The following PALD1 variants were observed in gnomAD, a reference collection of about 807,000 sequenced individuals.
The protein encoded by PALD1 is paladin.
In PALD1, 57 loss-of-function variants were observed where a neutral mutation model predicts 96.0. The ratio of observed to expected loss-of-function variants is 0.59; its 90% CI spans 0.48 to 0.74. The LOEUF (loss-of-function observed/expected upper bound fraction) is 0.74. PALD1 is among the 30% of genes least tolerant of loss of function. The pLI, the probability that PALD1 is intolerant of heterozygous loss-of-function variation, is 0.00. For synonymous variants in PALD1, 464 were observed against 473.6 expected (o/e 0.98, Z 0.26); for missense variants, 1,063 against 1,143.7 (o/e 0.93, Z 1.02).
chr10:70,560,752 C>T (rs1482288368), intron 18 of PALD1, among the ~76,000 whole-genome samples: 8 of 152,006 alleles, frequency 5.3e-5, no homozygotes, highest in African/African-American at 1.5e-4. Flanking sequence ...TTGAGATGCC[C>T]GAAGTACCCA....
At chr10:70,521,822 A>G (rs1846742164) in intron 1 of PALD1, among the ~76,000 whole-genome samples, 1 of 151,900 alleles carries the variant, frequency 6.6e-6, no homozygotes, top group Non-Finnish European at 1.5e-5. Context: ...GCATGAAGCA[A>G]GCGCAGCTGG....
rs1292810093 is a variant in PALD1 at position 70,515,908 on chromosome 10, T to A, written c.-29-10015T>A. 4.6e-5 allele frequency among the ~76,000 whole-genome samples: 7 copies of A among 152,308 alleles called. No individual in the cohort carries two copies. In the East Asian group the frequency reaches 1.4e-3, roughly 29 times the overall value. ...TCAGGATGTGAAGAGTTGCCACTCC[T>A]GCAAGCCCTCGCTTTTCTTTTTGTT... On this transcript the variant is annotated intron_variant, in intron 1 of 19. Transcript: ENST00000263563.
At chr10:70,542,274 TATGTGGTA>T (rs1847266762) in intron 17 of PALD1, among the ~76,000 whole-genome samples, 1 of 152,222 alleles carries the variant, frequency 6.6e-6, no homozygotes, top group African/African-American at 2.4e-5. Context: ...TCCTTTTCTT[TATGTGGTA>T]AAATATGCAT....
In PALD1 at chr10:70,539,877, G is replaced by A. The variant is rs1847206763; in HGVS notation, c.1908+115G>A. 2.2e-6 allele frequency: 2 copies of A among 897,442 alleles called. No homozygotes were observed. Among genetic ancestry groups the A allele is most frequent in the Admixed American group, 2.7e-5 (1 of 36,496 alleles). The allele number at this position is 897,442 out of a possible 1,614,324, so 55.6% of individuals were successfully genotyped here. A position where few individuals can be genotyped will look rare whatever the true frequency, so the allele number is the denominator to read the frequency against. On this transcript the variant is annotated intron_variant, in intron 15 of 19. Coordinates refer to ENST00000263563, the MANE Select transcript of PALD1 (RefSeq NM_014431.3). This position sits in a 1 kb window ranked among gnomAD's most constrained non-coding sequence, Gnocchi z 4.5. ...ACCCCAGCTTCTCTACGGGGCCCGG[G>A]AATGGTCTCACGAGGTTTTCCGATT...
At chr10:70,561,868 C>T (rs544025097) in intron 18 of PALD1, among the ~76,000 whole-genome samples, 3 of 152,358 alleles carry the variant, frequency 2.0e-5, no homozygotes, top group Admixed American at 2.0e-4. Flanking sequence ...TCTCTGTAGA[C>T]CTCACCCACC....
intron 1 of PALD1, among the ~76,000 whole-genome samples, chr10:70,500,337 G>A (rs1846270209): frequency 6.6e-6 from 1 of 152,138 alleles, no homozygotes; most frequent in Non-Finnish European, 1.5e-5. Context: ...CCGTGGTCGT[G>A]CTTCTCTCCC....
Position 70,547,456 on chromosome 10 carries a change from C to T in PALD1, c.2262+10C>T, listed in dbSNP as rs748184746. The T allele has an allele frequency of 1.1e-4, 154 of 1,459,152 alleles. 1 individual carries two copies. The highest frequency in any genetic ancestry group is 1.3e-4 in the Admixed American group (7 of 52,236). The allele number at this position is 1,459,152 out of a possible 1,614,324, so 90.4% of individuals were successfully genotyped here. A position where few individuals can be genotyped will look rare whatever the true frequency, so the allele number is the denominator to read the frequency against. On this transcript the variant is annotated intron_variant, in intron 18 of 19. Transcript: ENST00000263563. ...CTGCACCTACCGCCAGGTGAGCCCC[C>T]ACCCCACCCCACCCCACCCTGCCCC...
rs1845877208 is a variant in PALD1, at chr10:70,478,894, CGGA to C, written c.-193_-191del. Reference sequence around the variant, plus strand: ...CGGGTCCGCCTGGCCTGCCCACCTCCGGAGCCACCTCTGCCCCCGCATGGGCTG... The same window carrying C: ...CGGGTCCGCCTGGCCTGCCCACCTCCGCCACCTCTGCCCCCGCATGGGCTG... On this transcript the variant is annotated 5_prime_UTR_variant, in exon 1 of 20. Coordinates refer to ENST00000263563, the MANE Select transcript of PALD1 (RefSeq NM_014431.3). 1 of 151,990 alleles carries C rather than the reference CGGA, an allele frequency of 6.6e-6. No homozygotes were observed. Among genetic ancestry groups the C allele is most frequent in the Admixed American group, 6.6e-5 (1 of 15,262 alleles). 9.4% of individuals were successfully genotyped at this position (151,990 alleles called of 1,614,324 possible). A position where few individuals can be genotyped will look rare whatever the true frequency, so the allele number is the denominator to read the frequency against.
At chr10:70,558,427 A>G (rs944424084) in intron 18 of PALD1, among the ~76,000 whole-genome samples, 2 of 152,132 alleles carry the variant, frequency 1.3e-5, no homozygotes, top group African/African-American at 4.8e-5. Context: ...TTTGTCATTC[A>G]TTGATTTGAC....
intron 18 of PALD1, among the ~76,000 whole-genome samples, chr10:70,550,918 G>A (rs955533524): frequency 1.3e-5 from 2 of 152,194 alleles, no homozygotes; most frequent in African/African-American, 2.4e-5. Context: ...TATGAATAAT[G>A]TTGCTGTGAA....
chr10:70,543,347 T>C (rs1847292903), intron 17 of PALD1, among the ~76,000 whole-genome samples: 1 of 152,208 alleles, frequency 6.6e-6, no homozygotes, highest in Non-Finnish European at 1.5e-5. Flanking sequence ...TTTTTACTCA[T>C]TGATAGTGTC....
At chr10:70,513,101 A>C (rs1216306432) in intron 1 of PALD1, among the ~76,000 whole-genome samples, 1 of 152,230 alleles carries the variant, frequency 6.6e-6, no homozygotes, top group Non-Finnish European at 1.5e-5. Context: ...GAATCCATGG[A>C]GCACTTCTCA....
At position 70,534,407 on chromosome 10, in the gene PALD1, C is replaced by T. The variant is rs1214457156; in HGVS notation, c.1023-18C>T. On this transcript the variant is annotated intron_variant, in intron 8 of 19. Transcript: ENST00000263563. ...ACCTTTGGAAGAGCCTGCTAATGTACTGACCCTGCCTCGACAGGGCTGCCC... is the reference window on the plus strand; with the variant it reads ...ACCTTTGGAAGAGCCTGCTAATGTATTGACCCTGCCTCGACAGGGCTGCCC... The T allele has an allele frequency of 6.4e-7, 1 of 1,572,266 alleles. No individual in the cohort carries two copies. The highest frequency in any genetic ancestry group is 8.7e-7 in the Non-Finnish European group (1 of 1,150,266).
At chr10:70,557,957 A>G (rs552245033) in intron 18 of PALD1, among the ~76,000 whole-genome samples, 13 of 39,862 alleles carry the variant, frequency 3.3e-4, no homozygotes, top group African/African-American at 7.9e-4. Context: ...TTTTAGAGAC[A>G]GAGTCTTGCT....
At chr10:70,497,635 C>G (rs942987798) in intron 1 of PALD1, among the ~76,000 whole-genome samples, 1 of 151,354 alleles carries the variant, frequency 6.6e-6, no homozygotes, top group African/African-American at 2.4e-5. Flanking sequence ...AGCGCGATCT[C>G]GGCCCACTGC....
intron 1 of PALD1, among the ~76,000 whole-genome samples, chr10:70,482,277 G>C (rs532002640): frequency 1.3e-5 from 2 of 152,164 alleles, no homozygotes; most frequent in Non-Finnish European, 2.9e-5. Flanking sequence ...CTGGGCGGGC[G>C]TATGGAAGCT....
At chr10:70,557,323 G>C (rs960631018) in intron 18 of PALD1, among the ~76,000 whole-genome samples, 1 of 152,178 alleles carries the variant, frequency 6.6e-6, no homozygotes, top group Non-Finnish European at 1.5e-5. Context: ...TGGGCTGCCA[G>C]GCAGGCTCTA....
the PALD1 span, among the ~76,000 whole-genome samples, chr10:70,468,384 T>G: frequency 6.6e-6 from 1 of 151,974 alleles, no homozygotes; most frequent in Non-Finnish European, 1.5e-5. Context: ...GCTGAGATTA[T>G]AGGTGCCCGA....
chr10:70,474,980 G>T (rs989920164), upstream of PALD1, among the ~76,000 whole-genome samples: 1 of 151,758 alleles, frequency 6.6e-6, no homozygotes, highest in African/African-American at 2.4e-5. Context: ...CTCTGCCCTG[G>T]CAGGTTCAGG....
Sources: allele counts gnomAD v4.1 joint callset (sites outside exome capture counted in the v4.1 genomes callset), GRCh38; gene constraint gnomAD v4.1.1; non-coding constraint Gnocchi (gnomAD v3.1); transcripts MANE v1.5; gene names NCBI Gene and HGNC (gene_info 2026-07-23, HGNC 2026-07-21).